Variants in TTC29 observed in about 807,000 individuals in gnomAD.
TTC29 encodes the protein tetratricopeptide repeat protein 29.
Under a neutral mutation model 58.1 loss-of-function variants are expected in TTC29, and 49 were observed. That is an observed-to-expected ratio of 0.84 (90% CI 0.67 to 1.07). The LOEUF (loss-of-function observed/expected upper bound fraction) is 1.07. Among genes scored for constraint, TTC29 ranks in the 50% least tolerant of loss-of-function variants. The pLI is 0.00. For missense variants in TTC29, 582 were observed against 555.6 expected (o/e 1.05, Z -0.48); for synonymous variants, 209 against 196.8 (o/e 1.06, Z -0.52).
intron 8 of TTC29, among the ~76,000 whole-genome samples, chr4:146,841,014 A>G (rs988628518): frequency 2.6e-5 from 4 of 152,212 alleles, no homozygotes; most frequent in Non-Finnish European, 5.9e-5. Flanking sequence ...ATTAAAGAAC[A>G]AACTTTCAAA....
chr4:146,740,069 G>T (rs1278790365), intron 11 of TTC29, among the ~76,000 whole-genome samples: 4 of 152,130 alleles, frequency 2.6e-5, no homozygotes, highest in African/African-American at 9.7e-5. Context: ...AGGACCTGGG[G>T]GGTCTCTGAA....
intron 9 of TTC29, among the ~76,000 whole-genome samples, chr4:146,824,061 A>G (rs1331240534): frequency 6.6e-6 from 1 of 152,154 alleles, no homozygotes; most frequent in Non-Finnish European, 1.5e-5. Context: ...AGACAATTTC[A>G]CTTCCTCTCT....
chr4:146,875,831 T>G (rs191220430), intron 6 of TTC29, among the ~76,000 whole-genome samples: 1 of 152,348 alleles, frequency 6.6e-6, no homozygotes, highest in East Asian at 1.9e-4. Context: ...CCAAATTAGC[T>G]GTAAGTAATT....
intron 4 of TTC29, among the ~76,000 whole-genome samples, chr4:146,934,866 G>A (rs1735650736): frequency 6.6e-6 from 1 of 152,130 alleles, no homozygotes; most frequent in Non-Finnish European, 1.5e-5. Flanking sequence ...TAGGGGTCAT[G>A]GGTGACCCTA....
At chr4:146,820,386 T>G in intron 9 of TTC29, 138 bp from the exon 10 acceptor site, 1 of 991,318 alleles carries the variant, frequency 1.0e-6, no homozygotes, top group South Asian at 1.9e-5. Context: ...AAATACCAAA[T>G]TAAAATATAT....
intron 11 of TTC29, among the ~76,000 whole-genome samples, chr4:146,801,339 C>T (rs1012018028): frequency 3.9e-5 from 6 of 152,152 alleles, no homozygotes; most frequent in African/African-American, 1.4e-4. Context: ...AGAAGGGCTA[C>T]CCCTGAAAAT....
At chr4:146,826,700 G>A (rs761216546) in intron 9 of TTC29, among the ~76,000 whole-genome samples, 18 of 151,986 alleles carry the variant, frequency 1.2e-4, no homozygotes, top group Non-Finnish European at 1.8e-4. Context: ...ATCCTGAAGC[G>A]TATTTTCCAG....
At chr4:146,778,097 T>A (rs1748245225) in intron 11 of TTC29, among the ~76,000 whole-genome samples, 1 of 152,106 alleles carries the variant, frequency 6.6e-6, no homozygotes, top group Admixed American at 6.6e-5. Context: ...AGTTTGGGAG[T>A]CATTAGTTAT....
intron 9 of TTC29, among the ~76,000 whole-genome samples, chr4:146,833,573 C>G (rs796161246): frequency 9.2e-5 from 14 of 152,184 alleles, no homozygotes; most frequent in African/African-American, 2.9e-4. Context: ...ACTAAACTTA[C>G]AGAAAACCAA....
At chr4:146,942,912 T>C (rs1736544514) in intron 2 of TTC29, 2 of 298,602 alleles carry the variant, frequency 6.7e-6, no homozygotes. Flanking sequence ...CCTTGAATAC[T>C]AAGAACATCC....
intron 11 of TTC29, among the ~76,000 whole-genome samples, chr4:146,721,642 G>A (rs1342912030): frequency 6.6e-6 from 1 of 152,080 alleles, no homozygotes; most frequent in Non-Finnish European, 1.5e-5. Context: ...GACAGACAGA[G>A]TGAGTTAACG....
At chr4:146,909,387 T>C (rs1348021305) in intron 4 of TTC29, 138 bp from the exon 5 acceptor site, 1 of 684,854 alleles carries the variant, frequency 1.5e-6, no homozygotes, top group Non-Finnish European at 2.4e-6. Context: ...TATCAAAAGA[T>C]CTTTGCCTCA....
intron 4 of TTC29, among the ~76,000 whole-genome samples, chr4:146,920,035 A>C (rs1734479875): frequency 6.6e-6 from 1 of 151,018 alleles, no homozygotes; most frequent in Admixed American, 6.6e-5. Flanking sequence ...CCTTCCCATT[A>C]AAAATGTATT....
chr4:146,809,658 A>G (rs903599694), intron 10 of TTC29, among the ~76,000 whole-genome samples: 2 of 150,134 alleles, frequency 1.3e-5, no homozygotes, highest in Admixed American at 6.8e-5. Flanking sequence ...AAACATATGA[A>G]AAAAAAGCTC....
At chr4:146,889,483 A>G (rs190108576) in intron 6 of TTC29, among the ~76,000 whole-genome samples, 5 of 152,300 alleles carry the variant, frequency 3.3e-5, no homozygotes, top group African/African-American at 7.2e-5. Context: ...GCCCTTCTCC[A>G]GAGGCTGTCC....
At chr4:146,866,797 T>C (rs1325193761) in intron 8 of TTC29, among the ~76,000 whole-genome samples, 1 of 152,174 alleles carries the variant, frequency 6.6e-6, no homozygotes, top group East Asian at 1.9e-4. Flanking sequence ...AGCTAAAAAT[T>C]AATCCAATAT....
chr4:146,718,652 G>C (rs74658026), intron 11 of TTC29, among the ~76,000 whole-genome samples: 7,133 of 152,028 alleles, frequency 0.047, 517 homozygotes, highest in African/African-American at 0.14. Context: ...TCCTTCCAAT[G>C]CATAGGTTTT....
At chr4:146,834,629 T>C (rs1220193296) in intron 8 of TTC29, among the ~76,000 whole-genome samples, 1 of 152,268 alleles carries the variant, frequency 6.6e-6, no homozygotes, top group African/African-American at 2.4e-5. Context: ...ATTACACACA[T>C]GAGGACACAG....
intron 9 of TTC29, among the ~76,000 whole-genome samples, chr4:146,828,859 T>C (rs1236753177): frequency 6.6e-6 from 1 of 152,206 alleles, no homozygotes; most frequent in Non-Finnish European, 1.5e-5. Flanking sequence ...AGCAAACTTG[T>C]TAATGTAACA....
Sources: allele counts gnomAD v4.1 joint callset (sites outside exome capture counted in the v4.1 genomes callset), GRCh38; gene constraint gnomAD v4.1.1; transcripts MANE v1.5; gene names NCBI Gene and HGNC (gene_info 2026-07-23, HGNC 2026-07-21).